Variants in SNTB1 observed in about 807,000 individuals in gnomAD.
SNTB1 encodes the protein syntrophin beta 1, also known as beta-1-syntrophin.
In SNTB1, 36 loss-of-function variants were observed where a neutral mutation model predicts 48.9. The observed-to-expected ratio is 0.74, with a 90% CI of 0.56 to 0.97. The LOEUF is 0.97. Among genes scored for constraint, SNTB1 ranks in the 50% least tolerant of loss-of-function variants. The pLI is 0.00. For missense variants in SNTB1, 786 were observed against 703.4 expected, an observed-to-expected ratio of 1.12 and a Z score of -1.33; for synonymous variants, 299 against 294.6, an observed-to-expected ratio of 1.01 and a Z score of -0.15.
intron 1 of SNTB1, among the ~76,000 whole-genome samples, chr8:120,751,917 T>C (rs1425456589): frequency 6.6e-6 from 1 of 152,164 alleles, no homozygotes; most frequent in Non-Finnish European, 1.5e-5. Flanking sequence ...AAGCAGTTAA[T>C]GGAAAATGGT....
rs377496907 is a variant in SNTB1, at chr8:120,538,834, G to T, written c.*43C>A. ...GTGTCTGACATCACGTTCTCTGGTG[G>T]CATTGCAGCCCTTCTTTTCTCAAAG... On this transcript the variant is annotated 3_prime_UTR_variant, in exon 7 of 7. Coordinates refer to ENST00000517992, the MANE Select transcript of SNTB1 (RefSeq NM_021021.4). 10 of 1,459,204 alleles carry T rather than the reference G, an allele frequency of 6.9e-6. No homozygotes were observed. In the African/African-American group the frequency reaches 1.4e-4, roughly 20 times the overall value. 90.4% of individuals were successfully genotyped at this position (1,459,204 alleles called of 1,614,324 possible).
chr8:120,747,839 A>G (rs1248153491), intron 1 of SNTB1, among the ~76,000 whole-genome samples: 1 of 152,242 alleles, frequency 6.6e-6, no homozygotes, highest in Non-Finnish European at 1.5e-5. Flanking sequence ...TCAAATTAAA[A>G]TATAAAAAAA....
At chr8:120,539,134 C>G in intron 6 of SNTB1, among the ~76,000 whole-genome samples, 165 bp from the exon 7 acceptor site, 1 of 152,162 alleles carries the variant, frequency 6.6e-6, no homozygotes, top group Admixed American at 6.5e-5. Context: ...AGGAACAACT[C>G]TTTGAACTTA....
chr8:120,696,758 C>T (rs1281646245), intron 1 of SNTB1, among the ~76,000 whole-genome samples: 1 of 152,138 alleles, frequency 6.6e-6, no homozygotes, highest in Non-Finnish European at 1.5e-5. Context: ...CACTGATGCT[C>T]AGAATTTTAG....
At chr8:120,626,227 AG>A (rs1413923234) in intron 3 of SNTB1, among the ~76,000 whole-genome samples, 2 of 151,422 alleles carry the variant, frequency 1.3e-5, no homozygotes, top group African/African-American at 4.8e-5. Context: ...ATATATAGAG[AG>A]AGAGAGATCA....
chr8:120,539,038 C>T (rs1815244058), intron 6 of SNTB1, 69 bp from the exon 7 acceptor site: 2 of 1,179,040 alleles, frequency 1.7e-6, no homozygotes, highest in African/African-American at 3.1e-5. Flanking sequence ...GTGATTTGCA[C>T]ATCAAACGAA....
At chr8:120,680,178 G>A (rs1817906634) in intron 2 of SNTB1, among the ~76,000 whole-genome samples, 1 of 152,148 alleles carries the variant, frequency 6.6e-6, no homozygotes, top group African/African-American at 2.4e-5. Context: ...TTCCTGCGAG[G>A]AAGACTCCAT....
chr8:120,801,329 T>C (rs1288530902), intron 1 of SNTB1, among the ~76,000 whole-genome samples: 1 of 152,078 alleles, frequency 6.6e-6, no homozygotes, highest in Non-Finnish European at 1.5e-5. Context: ...AAACATTCCA[T>C]TCAATTTCAG....
intron 2 of SNTB1, among the ~76,000 whole-genome samples, chr8:120,648,490 T>C (rs182814455): frequency 1.3e-5 from 2 of 152,038 alleles, no homozygotes; most frequent in African/African-American, 2.4e-5. Context: ...TGTTGAATAT[T>C]GGCCCCCACT....
At chr8:120,595,580 C>T (rs571332243) in intron 3 of SNTB1, among the ~76,000 whole-genome samples, 68 of 151,780 alleles carry the variant, frequency 4.5e-4, no homozygotes, top group Middle Eastern at 3.4e-3. Flanking sequence ...TTTTTTTATT[C>T]CTCTAATTTC....
chr8:120,594,551 G>A (rs1311559720), intron 3 of SNTB1, among the ~76,000 whole-genome samples: 1 of 151,610 alleles, frequency 6.6e-6, no homozygotes, highest in Non-Finnish European at 1.5e-5. Context: ...AATACTTATT[G>A]TTTGTAGAGA....
chr8:120,642,256 C>A (rs1376279580), intron 2 of SNTB1, among the ~76,000 whole-genome samples: 1 of 152,170 alleles, frequency 6.6e-6, no homozygotes, highest in Admixed American at 6.5e-5. Context: ...AGACATAGAG[C>A]AGAGAGGCCT....
chr8:120,712,137 G>A (rs978404353), intron 1 of SNTB1, among the ~76,000 whole-genome samples: 5 of 152,088 alleles, frequency 3.3e-5, no homozygotes, highest in South Asian at 4.2e-4. Context: ...TGACAGGCCC[G>A]GCGTGGTGGC....
intron 3 of SNTB1, among the ~76,000 whole-genome samples, chr8:120,627,380 G>A (rs7838111): frequency 0.75 from 114,592 of 151,862 alleles, 43,530 homozygotes; most frequent in East Asian, 0.89. Context: ...CCTATGAAAT[G>A]TGATTGCAGT....
At chr8:120,716,166 G>A (rs1266993004) in intron 1 of SNTB1, among the ~76,000 whole-genome samples, 2 of 151,912 alleles carry the variant, frequency 1.3e-5, no homozygotes, top group African/African-American at 4.8e-5. Flanking sequence ...TTTGATGAAT[G>A]TATACATAAA....
intron 1 of SNTB1, among the ~76,000 whole-genome samples, chr8:120,702,769 T>G (rs1818327236): frequency 6.6e-6 from 1 of 152,234 alleles, no homozygotes; most frequent in South Asian, 2.1e-4. Flanking sequence ...GAATGACTAC[T>G]TTACAAACTC....
chr8:120,605,351 A>T (rs1816496390), intron 3 of SNTB1, among the ~76,000 whole-genome samples: 1 of 151,238 alleles, frequency 6.6e-6, no homozygotes, highest in Non-Finnish European at 1.5e-5. Flanking sequence ...TCCATTTCCT[A>T]TGGAGACATC....
intron 1 of SNTB1, among the ~76,000 whole-genome samples, chr8:120,713,814 T>A (rs1818508775): frequency 6.6e-6 from 1 of 152,250 alleles, no homozygotes; most frequent in Non-Finnish European, 1.5e-5. Flanking sequence ...ATGTTTAAGA[T>A]TCACTTATGT....
chr8:120,621,894 A>T (rs1816799064), intron 3 of SNTB1, among the ~76,000 whole-genome samples: 1 of 152,158 alleles, frequency 6.6e-6, no homozygotes, highest in Non-Finnish European at 1.5e-5. Context: ...CAGCAAAGCC[A>T]CTTTGAACCA....
Sources: gnomAD v4.1 joint callset for allele counts (sites outside exome capture counted in the v4.1 genomes callset) on GRCh38, gnomAD v4.1.1 for gene constraint, MANE v1.5 for transcripts, NCBI Gene and HGNC (gene_info 2026-07-23, HGNC 2026-07-21) for gene names.